The following BICC1 variants were observed in gnomAD, a reference collection of about 807,000 sequenced individuals.
BICC1 encodes the protein BicC family RNA binding protein 1.
Under a neutral mutation model 111.0 loss-of-function variants are expected in BICC1, and 43 were observed. The ratio of observed to expected loss-of-function variants is 0.39; its 90% confidence interval spans 0.30 to 0.50. The LOEUF (loss-of-function observed/expected upper bound fraction) is 0.50. BICC1 is among the 20% of genes least tolerant of loss of function. The pLI is 0.88. For missense variants in BICC1, 1,091 were observed against 1,203.2 expected (o/e 0.91, Z 1.38); for synonymous variants, 467 against 434.4 (o/e 1.07, Z -0.93).
intron 2 of BICC1, among the ~76,000 whole-genome samples, chr10:58,686,440 G>C (rs1472149644): frequency 6.6e-6 from 1 of 152,108 alleles, no homozygotes; most frequent in Admixed American, 6.6e-5. Context: ...AATTTCCCTG[G>C]ATAATATCCT....
chr10:58,728,955 C>G (rs530135851), intron 3 of BICC1, among the ~76,000 whole-genome samples: 90 of 152,182 alleles, frequency 5.9e-4, no homozygotes, highest in Admixed American at 4.3e-3. Flanking sequence ...AATCATACTG[C>G]AAACACATGT....
rs189420211 is a variant in BICC1, at chr10:58,595,583, A to G, written c.191-25272A>G. ...AACTCACTCAAAACCACACAACTACATGGAAACTGAACAACTTGCTCCTAA... is the reference window on the plus strand; with the variant it reads ...AACTCACTCAAAACCACACAACTACGTGGAAACTGAACAACTTGCTCCTAA... On this transcript the variant is annotated intron_variant, in intron 1 of 20. Transcript: ENST00000373886. 6.8e-3 allele frequency among the ~76,000 whole-genome samples: 1,037 copies of G among 152,320 alleles called. 8 individuals are homozygous for G. The highest frequency in any genetic ancestry group is 8.6e-3 in the Non-Finnish European group (586 of 68,020).
chr10:58,683,256 A>G (rs1477955495), intron 2 of BICC1, among the ~76,000 whole-genome samples: 3 of 152,176 alleles, frequency 2.0e-5, no homozygotes, highest in African/African-American at 7.2e-5. Flanking sequence ...CTGTTTTGGT[A>G]CCAGTACCAT....
chr10:58,662,706 G>GT (rs1490257968), intron 2 of BICC1, among the ~76,000 whole-genome samples: 1 of 152,056 alleles, frequency 6.6e-6, no homozygotes, highest in African/African-American at 2.4e-5. Flanking sequence ...GAACTATTTT[G>GT]TTGACAACAT....
chr10:58,705,395 A>G (rs935274729), intron 3 of BICC1, among the ~76,000 whole-genome samples: 3 of 152,116 alleles, frequency 2.0e-5, no homozygotes, highest in Non-Finnish European at 4.4e-5. Context: ...CATTAATTTC[A>G]TTTTTCTATC....
intron 1 of BICC1, among the ~76,000 whole-genome samples, chr10:58,579,176 C>T (rs561147820): frequency 6.2e-4 from 94 of 152,236 alleles, no homozygotes; most frequent in Non-Finnish European, 1.1e-3. Context: ...ACAGCTGCAA[C>T]GCTGTCACCT....
intron 2 of BICC1, among the ~76,000 whole-genome samples, chr10:58,652,475 G>T (rs1838482266): frequency 6.6e-6 from 1 of 152,056 alleles, no homozygotes; most frequent in Non-Finnish European, 1.5e-5. Flanking sequence ...ACACTTGCAT[G>T]CATGTGTGAT....
At chr10:58,772,689 G>A (rs1461032266) in intron 3 of BICC1, among the ~76,000 whole-genome samples, 2 of 152,102 alleles carry the variant, frequency 1.3e-5, no homozygotes, top group Non-Finnish European at 2.9e-5. Context: ...CATAGTCTTT[G>A]GATGCAGTTA....
At chr10:58,629,054 A>T (rs1306057849) in intron 2 of BICC1, among the ~76,000 whole-genome samples, 1 of 152,188 alleles carries the variant, frequency 6.6e-6, no homozygotes, top group Non-Finnish European at 1.5e-5. Context: ...CATTGAATTG[A>T]TAGTGAGAAC....
At chr10:58,553,175 C>A (rs763535003) in intron 1 of BICC1, among the ~76,000 whole-genome samples, 1 of 152,078 alleles carries the variant, frequency 6.6e-6, no homozygotes, top group Non-Finnish European at 1.5e-5. Context: ...ATATTCAAAT[C>A]CCTGGAACTT....
intron 3 of BICC1, among the ~76,000 whole-genome samples, chr10:58,774,825 A>G (rs1268324457): frequency 1.3e-5 from 2 of 152,164 alleles, no homozygotes; most frequent in African/African-American, 4.8e-5. Flanking sequence ...ATTCATAGTT[A>G]TATATTTATC....
chr10:58,587,991 T>C (rs186843721), intron 1 of BICC1, among the ~76,000 whole-genome samples: 19 of 152,300 alleles, frequency 1.2e-4, no homozygotes, highest in Admixed American at 9.2e-4. Context: ...CTCATTTAGA[T>C]TGTTGAAGAA....
At chr10:58,817,842 T>C in intron 19 of BICC1, 120 bp downstream of exon 19, 1 of 1,012,802 alleles carries the variant, frequency 9.9e-7, no homozygotes, top group East Asian at 2.7e-5. Flanking sequence ...TCAAGTCTCA[T>C]AGCTTGTCCT....
intron 1 of BICC1, among the ~76,000 whole-genome samples, chr10:58,571,249 C>T (rs1843940649): frequency 6.6e-6 from 1 of 152,182 alleles, no homozygotes; most frequent in Non-Finnish European, 1.5e-5. Context: ...TATCCAAATA[C>T]CAAGCTCATG....
At chr10:58,685,582 T>A (rs892973509) in intron 2 of BICC1, among the ~76,000 whole-genome samples, 5 of 152,234 alleles carry the variant, frequency 3.3e-5, no homozygotes, top group African/African-American at 1.2e-4. Flanking sequence ...TTAGGAGAGT[T>A]AGCTCTTCTT....
In BICC1 at chr10:58,758,723, T is replaced by TTTTA. The variant is rs200686075; in HGVS notation, c.308-26274_308-26271dup. Among the ~76,000 whole-genome samples, 170 of 152,324 alleles carry TTTTA rather than the reference T, an allele frequency of 1.1e-3. No homozygotes were observed. The East Asian group carries it at 0.014, about 12-fold the overall frequency. ...TAATGAAACAAATGGCACTAACTTTTTTTATTTTTTACTTGTGAAACATTT... is the reference window on the plus strand; with the variant it reads ...TAATGAAACAAATGGCACTAACTTTTTTTATTTATTTTTTACTTGTGAAACATTT... On this transcript the variant is annotated intron_variant, in intron 3 of 20. Transcript: ENST00000373886.
intron 2 of BICC1, among the ~76,000 whole-genome samples, chr10:58,659,215 C>T (rs1838761549): frequency 6.6e-6 from 1 of 152,160 alleles, no homozygotes; most frequent in African/African-American, 2.4e-5. Context: ...TACCATTCAA[C>T]CCAGCAATCC....
At chr10:58,653,218 A>C (rs1323134665) in intron 2 of BICC1, among the ~76,000 whole-genome samples, 2 of 152,200 alleles carry the variant, frequency 1.3e-5, no homozygotes, top group Non-Finnish European at 2.9e-5. Context: ...ATTTCACAAA[A>C]GAGAATGCTT....
rs1014411996 is a variant in BICC1 at position 58,548,537 on chromosome 10, T to C, written c.190+35204T>C. On this transcript the variant is annotated intron_variant, in intron 1 of 20. Coordinates refer to ENST00000373886, the MANE Select transcript of BICC1 (RefSeq NM_001080512.3). ...ATACATTAAGGTTAGCTCTGTATTT[T>C]GTGGGTTTTGAAATTTACAATGTCA... 2.6e-5 allele frequency among the ~76,000 whole-genome samples: 4 copies of C among 152,320 alleles called. No individual in the cohort carries two copies. The South Asian group carries it at 8.3e-4, about 32-fold the overall frequency.
Sources: allele counts gnomAD v4.1 joint callset (sites outside exome capture counted in the v4.1 genomes callset), GRCh38; gene constraint gnomAD v4.1.1; transcripts MANE v1.5; gene names NCBI Gene and HGNC (gene_info 2026-07-23, HGNC 2026-07-21).